Variants in TAB1 observed in about 807,000 individuals in gnomAD.
TAB1 encodes the protein TGF-beta activated kinase 1 (MAP3K7) binding protein 1.
TAB1 carries 30 observed loss-of-function variants against 54.5 expected under a neutral mutation model. That is an observed-to-expected ratio of 0.55 (90% CI 0.41 to 0.75). TAB1 has a LOEUF of 0.75. Ranked by LOEUF, TAB1 falls within the 30% of genes least tolerant of loss-of-function variation. The pLI, the probability that TAB1 is intolerant of heterozygous loss-of-function variation, is 0.00. For synonymous variants in TAB1, 289 were observed against 286.9 expected (o/e 1.01, Z -0.07); for missense variants, 609 against 683.2 (o/e 0.89, Z 1.21).
Position 39,430,229 on chromosome 22 carries a change from C to A in TAB1, c.*7C>A, listed in dbSNP as rs560659949. 6.2e-7 allele frequency: 1 copy of A among 1,610,484 alleles called. No individual in the cohort carries two copies. The highest frequency in any genetic ancestry group is 1.3e-5 in the African/African-American group (1 of 74,938). ...CGTGGTGACAGCACCGTAGGGCAGC[C>A]GGAGAATGCAGCCCAAGCAGGGCCT... On this transcript the variant is annotated 3_prime_UTR_variant, in exon 11 of 11. Coordinates refer to ENST00000216160, the MANE Select transcript of TAB1 (RefSeq NM_006116.3).
chr22:39,401,387 G>C (rs1019421746), intron 1 of TAB1, among the ~76,000 whole-genome samples: 1 of 152,190 alleles, frequency 6.6e-6, no homozygotes, highest in African/African-American at 2.4e-5. Flanking sequence ...AGTTGGCATT[G>C]ATTTTAGACG....
chr22:39,433,776 A>G (rs2145689147), downstream of TAB1: 1 of 985,416 alleles, frequency 1.0e-6, no homozygotes, highest in Admixed American at 6.1e-5. Flanking sequence ...TCAGACATCA[A>G]AGGGAAAAGC....
chr22:39,405,955 AT>A (rs1926344636), intron 1 of TAB1, among the ~76,000 whole-genome samples: 1 of 152,196 alleles, frequency 6.6e-6, no homozygotes, highest in African/African-American at 2.4e-5. Flanking sequence ...CCCATGTGTC[AT>A]TGGATCTAAG....
chr22:39,405,212 T>C (rs983584901), intron 1 of TAB1, among the ~76,000 whole-genome samples: 6 of 152,208 alleles, frequency 3.9e-5, no homozygotes, highest in Admixed American at 6.5e-5. Flanking sequence ...TGGACACATA[T>C]ATACATGAGG....
chr22:39,431,586 A>G lies in TAB1; in HGVS notation c.*1364A>G. 2 of 985,124 alleles carry G rather than the reference A, an allele frequency of 2.0e-6. No homozygotes were observed. The highest frequency in any genetic ancestry group is 2.4e-6 in the Non-Finnish European group (2 of 829,882). 61.0% of individuals were successfully genotyped at this position (985,124 alleles called of 1,614,324 possible). On this transcript the variant is annotated 3_prime_UTR_variant, in exon 11 of 11. Transcript: ENST00000216160. ...TGACAGCTCTGTGGCCTGGGAATCCATTTTCCTGCGGCAGAGCAGGGCCTG... is the reference window on the plus strand; with the variant it reads ...TGACAGCTCTGTGGCCTGGGAATCCGTTTTCCTGCGGCAGAGCAGGGCCTG...
At position 39,418,762 on chromosome 22, in the gene TAB1, CAG is replaced by C; in HGVS notation, c.582_583del (p.Val195GlyfsTer19). On this transcript the variant is annotated frameshift_variant, in exon 6 of 11. Transcript: ENST00000216160. LOFTEE classifies it high-confidence loss of function. Reference sequence around the variant, plus strand: ...AACCGTGCACTTTTATGCAAATCGACAGTGGATGGGTTGCAGGTGACACAGCT... The same window carrying C: ...AACCGTGCACTTTTATGCAAATCGACTGGATGGGTTGCAGGTGACACAGCT... 6.2e-7 allele frequency: 1 copy of C among 1,614,130 alleles called. No individual in the cohort carries two copies. The highest frequency in any genetic ancestry group is 8.5e-7 in the Non-Finnish European group (1 of 1,179,978).
downstream of TAB1, chr22:39,431,918 G>A (rs758973710): frequency 3.0e-5 from 29 of 980,904 alleles, no homozygotes; most frequent in Admixed American, 6.2e-5. Flanking sequence ...AACTCGCAGT[G>A]GCCCTGGGAA....
At chr22:39,401,096 T>C (rs1050178271) in intron 1 of TAB1, among the ~76,000 whole-genome samples, 1 of 151,944 alleles carries the variant, frequency 6.6e-6, no homozygotes, top group African/African-American at 2.4e-5. Context: ...TGTGATCTCT[T>C]GTTTACCGCT....
chr22:39,428,118 G>A lies in TAB1; in HGVS notation c.1242G>A (p.Gln414=), dbSNP rs1323085416. ...SVTLSLVMPS[Q]GQMVNGAHSA... is the part of the protein sequence containing the mutation. ...CCCTCTCCCTTGTCATGCCCTCCCA[G>A]GGCCAGATGGTCAACGGGGCTCACA... Residue 414 remains glutamine (Q), a synonymous_variant, in exon 10 of 11, where the codon CAG becomes CAA. Coordinates refer to ENST00000216160, the MANE Select transcript of TAB1 (RefSeq NM_006116.3). 6.2e-7 allele frequency: 1 copy of A among 1,613,750 alleles called. No homozygotes were observed. The highest frequency in any genetic ancestry group is 8.5e-7 in the Non-Finnish European group (1 of 1,179,706).
At chr22:39,400,548 C>A (rs1926093127) in intron 1 of TAB1, among the ~76,000 whole-genome samples, 1 of 152,258 alleles carries the variant, frequency 6.6e-6, no homozygotes, top group African/African-American at 2.4e-5. Context: ...ATCCCTACCC[C>A]CGGTCTGGAC....
At position 39,430,483 on chromosome 22, in the gene TAB1, A is replaced by G. The variant is rs1033436328; in HGVS notation, c.*261A>G. On this transcript the variant is annotated 3_prime_UTR_variant, in exon 11 of 11. Transcript: ENST00000216160. ...CAGGACCATCGCCCTTTCTCAGAGC[A>G]GAGGGCCAGGTATAGAAACCGCAGT... 1 of 1,371,086 alleles carries G rather than the reference A, an allele frequency of 7.3e-7. No individual in the cohort carries two copies. The highest frequency in any genetic ancestry group is 9.5e-7 in the Non-Finnish European group (1 of 1,058,122). The allele number at this position is 1,371,086 out of a possible 1,614,324, so 84.9% of individuals were successfully genotyped here.
chr22:39,400,447 G>A (rs777729530), intron 1 of TAB1, among the ~76,000 whole-genome samples: 2 of 151,266 alleles, frequency 1.3e-5, no homozygotes, highest in African/African-American at 4.9e-5. Flanking sequence ...CTGTCACTGG[G>A]TTCTGGTCCT....
intron 4 of TAB1, 91 bp from the exon 5 acceptor site, chr22:39,417,620 C>CA (rs370455919): frequency 0.084 from 90,234 of 1,073,362 alleles, 5 homozygotes; most frequent in Non-Finnish European, 0.091. Flanking sequence ...GACTCCATCT[C>CA]AAAAAAAAAA....
chr22:39,433,439 C>T (rs1435070750), downstream of TAB1: 13 of 963,392 alleles, frequency 1.3e-5, no homozygotes, highest in East Asian at 5.0e-4. Context: ...GGCGACAGAG[C>T]GAGACCCTGT....
At chr22:39,433,790 C>T (rs992632238), downstream of TAB1, 71 of 985,434 alleles carry the variant, frequency 7.2e-5, 1 homozygote, top group African/African-American at 9.4e-4. Context: ...GAAAAGCACC[C>T]GATTGTGTTG....
rs763744610 is a variant in TAB1 at position 39,428,228 on chromosome 22, G to T, written c.1307+45G>T. 5 of 1,359,882 alleles carry T rather than the reference G, an allele frequency of 3.7e-6. No individual in the cohort carries two copies. In the Admixed American group the frequency reaches 5.6e-5, roughly 15 times the overall value. 84.2% of individuals were successfully genotyped at this position (1,359,882 alleles called of 1,614,324 possible). On this transcript the variant is annotated intron_variant, in intron 10 of 10. Coordinates refer to ENST00000216160, the MANE Select transcript of TAB1 (RefSeq NM_006116.3). ...AGCCACCCCCAGCCCTGTCACCCCCGTGTGTGTCCTGTGGCACCAGGACAG... is the reference window on the plus strand; with the variant it reads ...AGCCACCCCCAGCCCTGTCACCCCCTTGTGTGTCCTGTGGCACCAGGACAG...
At position 39,417,632 on chromosome 22, in the gene TAB1, A is replaced by AG. The variant is rs913805009; in HGVS notation, c.412-79_412-78insG. On this transcript the variant is annotated intron_variant, in intron 4 of 10. Coordinates refer to ENST00000216160, the MANE Select transcript of TAB1 (RefSeq NM_006116.3). ...CGAGACTCCATCTCAAAAAAAAAAAAAAGAGTAAAGGGAGTGGAGAGGGCT... is the reference window on the plus strand; with the variant it reads ...CGAGACTCCATCTCAAAAAAAAAAAAGAAGAGTAAAGGGAGTGGAGAGGGCT... The AG allele has an allele frequency of 2.1e-6, 3 of 1,426,454 alleles. No individual in the cohort carries two copies. In the African/African-American group the frequency reaches 4.4e-5, roughly 21 times the overall value. The allele number at this position is 1,426,454 out of a possible 1,614,324, so 88.4% of individuals were successfully genotyped here.
downstream of TAB1, chr22:39,433,581 CG>C (rs1311972153): frequency 1.0e-6 from 1 of 985,336 alleles, no homozygotes; most frequent in African/African-American, 1.7e-5. Flanking sequence ...CCGCAGCACC[CG>C]TGAGCCATCC....
At chr22:39,427,639 T>C (rs889209107) in intron 9 of TAB1, among the ~76,000 whole-genome samples, 1 of 152,122 alleles carries the variant, frequency 6.6e-6, no homozygotes, top group Non-Finnish European at 1.5e-5. Context: ...GACACCAGGG[T>C]TATTGGAGTT....
Sources: allele counts gnomAD v4.1 joint callset (sites outside exome capture counted in the v4.1 genomes callset), GRCh38; gene constraint gnomAD v4.1.1; transcripts MANE v1.5; gene names NCBI Gene and HGNC (gene_info 2026-07-23, HGNC 2026-07-21).